The following MRPS31 variants were observed in gnomAD, a reference collection of about 807,000 sequenced individuals.
MRPS31 encodes the protein small ribosomal subunit protein mS31.
In MRPS31, 32 loss-of-function variants were observed where a neutral mutation model predicts 43.1. The ratio of observed to expected loss-of-function variants is 0.74; its 90% CI spans 0.56 to 1.00. The LOEUF (loss-of-function observed/expected upper bound fraction) is 1.00, where lower values mean the gene tolerates loss of function less well. Ranked by LOEUF, MRPS31 falls within the 50% of genes least tolerant of loss-of-function variation. The pLI is 0.00. For synonymous variants in MRPS31, 165 were observed against 161.6 expected (o/e 1.02, Z -0.16); for missense variants, 437 against 466.7 (o/e 0.94, Z 0.59).
At chr13:40,741,308 AAAG>A (rs1339039063) in intron 6 of MRPS31, among the ~76,000 whole-genome samples, 1 of 152,170 alleles carries the variant, frequency 6.6e-6, no homozygotes, top group Admixed American at 6.6e-5. Context: ...AATTATTTTA[AAAG>A]AAGGCAAAGA....
In MRPS31 at chr13:40,745,554, G is replaced by T. The variant is rs1234399467; in HGVS notation, c.958+3584C>A. ...GGTGTGAGCCACCACGCCCAGCCAA[G>T]AATTTTTAATATGTATTTTGTATAC... On this transcript the variant is annotated intron_variant, in intron 6 of 6. Transcript: ENST00000323563. 5.3e-5 allele frequency among the ~76,000 whole-genome samples: 8 copies of T among 152,054 alleles called. No homozygotes were observed. In the East Asian group the frequency reaches 1.3e-3, roughly 26 times the overall value.
chr13:40,751,095 T>G (rs899199256), intron 5 of MRPS31, among the ~76,000 whole-genome samples: 1 of 152,160 alleles, frequency 6.6e-6, no homozygotes, highest in Non-Finnish European at 1.5e-5. Flanking sequence ...TGAGCCTTTA[T>G]GTGCAGAAAT....
At chr13:40,739,771 C>T (rs1593443438) in intron 6 of MRPS31, among the ~76,000 whole-genome samples, 1 of 151,016 alleles carries the variant, frequency 6.6e-6, no homozygotes, top group African/African-American at 2.4e-5. Flanking sequence ...TTCCTTACAC[C>T]TTATACAAAA....
intron 2 of MRPS31, 89 bp from the exon 3 acceptor site, chr13:40,759,195 T>C: frequency 9.5e-7 from 1 of 1,051,696 alleles, no homozygotes; most frequent in Non-Finnish European, 1.3e-6. Context: ...TCCAGCACTT[T>C]GGGAAGCCGA....
intron 2 of MRPS31, among the ~76,000 whole-genome samples, chr13:40,759,379 A>C (rs946530010): frequency 1.3e-5 from 2 of 152,148 alleles, no homozygotes; most frequent in African/African-American, 4.8e-5. Flanking sequence ...TGGAGGCTGC[A>C]GTGAACCAAG....
At chr13:40,743,300 A>T (rs1880152601) in intron 6 of MRPS31, among the ~76,000 whole-genome samples, 1 of 151,276 alleles carries the variant, frequency 6.6e-6, no homozygotes, top group African/African-American at 2.4e-5. Context: ...GGGCAACAAG[A>T]GCGAAAACTC....
chr13:40,741,795 A>G (rs1257364295), intron 6 of MRPS31, among the ~76,000 whole-genome samples: 1 of 152,142 alleles, frequency 6.6e-6, no homozygotes, highest in Non-Finnish European at 1.5e-5. Flanking sequence ...CTGCATTCAT[A>G]ACAATGGGAC....
chr13:40,752,699 T>C (rs1880424765), intron 5 of MRPS31, among the ~76,000 whole-genome samples: 1 of 152,028 alleles, frequency 6.6e-6, no homozygotes, highest in South Asian at 2.1e-4. Flanking sequence ...AATGAGCCTT[T>C]GGAGGCCCGC....
At chr13:40,764,661 T>C (rs538948333) in intron 2 of MRPS31, among the ~76,000 whole-genome samples, 15 of 152,300 alleles carry the variant, frequency 9.8e-5, no homozygotes, top group Admixed American at 3.3e-4. Context: ...CATGCAGGGA[T>C]AAAGCCCAGC....
intron 2 of MRPS31, among the ~76,000 whole-genome samples, chr13:40,765,911 T>C (rs375779203): frequency 1.3e-5 from 2 of 152,196 alleles, no homozygotes; most frequent in African/African-American, 4.8e-5. Flanking sequence ...TAATACTCTT[T>C]TGACAAACAC....
intron 6 of MRPS31, among the ~76,000 whole-genome samples, chr13:40,731,999 G>A (rs1879714351): frequency 6.6e-6 from 1 of 152,142 alleles, no homozygotes; most frequent in African/African-American, 2.4e-5. Flanking sequence ...GCAATAAAGA[G>A]GGTATACTAT....
In MRPS31 at chr13:40,758,987, T is replaced by C; in HGVS notation, c.560A>G (p.Glu187Gly). ...CTTTGCATCTCTCTGTGCCCTTGACTCTTCCTCATGCTGCTGGAGCTGGCT... is the reference window on the plus strand; with the variant it reads ...CTTTGCATCTCTCTGTGCCCTTGACCCTTCCTCATGCTGCTGGAGCTGGCT... ...LLSQLQQHEE[E>G]SRAQRDAKRP... The change falls in exon 3 of 7, where the codon GAG becomes GGG. Residue 187 changes from glutamate to glycine, a missense_variant. Physicochemically the swap from Glu to Gly is moderately conservative, Grantham distance 98. Transcript: ENST00000323563. 6.2e-7 allele frequency: 1 copy of C among 1,608,098 alleles called. No individual in the cohort carries two copies.
chr13:40,736,771 C>A (rs1242051025), intron 6 of MRPS31, among the ~76,000 whole-genome samples: 1 of 147,602 alleles, frequency 6.8e-6, no homozygotes, highest in Non-Finnish European at 1.5e-5. Context: ...TAAAAGAGCT[C>A]CTGAAGGAAG....
intron 4 of MRPS31, 115 bp from the exon 5 acceptor site, chr13:40,754,207 A>T: frequency 1.7e-6 from 1 of 578,084 alleles, no homozygotes; most frequent in Non-Finnish European, 2.9e-6. Context: ...AATTCCACTG[A>T]CCCACATCAA....
At chr13:40,742,019 G>A (rs183250752) in intron 6 of MRPS31, among the ~76,000 whole-genome samples, 429 of 152,086 alleles carry the variant, frequency 2.8e-3, no homozygotes, top group African/African-American at 9.9e-3. Context: ...AATGTCGAGT[G>A]AGAGGACATA....
intron 6 of MRPS31, among the ~76,000 whole-genome samples, chr13:40,736,431 C>T (rs1446935606): frequency 2.0e-4 from 29 of 147,552 alleles, no homozygotes; most frequent in Non-Finnish European, 4.0e-4. Flanking sequence ...ATACAGAGAA[C>T]GCCACAAAGA....
At chr13:40,729,793 A>G (rs1255499226) in intron 6 of MRPS31, among the ~76,000 whole-genome samples, 192 bp from the exon 7 acceptor site, 1 of 149,240 alleles carries the variant, frequency 6.7e-6, no homozygotes, top group East Asian at 2.0e-4. Context: ...GAGTGGCACG[A>G]TCTCAGCTCA....
At chr13:40,745,732 T>C (rs969777291) in intron 6 of MRPS31, among the ~76,000 whole-genome samples, 2 of 152,200 alleles carry the variant, frequency 1.3e-5, no homozygotes, top group East Asian at 1.9e-4. Flanking sequence ...CATGTTTTTA[T>C]GTTGTATTAA....
intron 5 of MRPS31, among the ~76,000 whole-genome samples, chr13:40,749,802 T>C (rs1880336747): frequency 6.6e-6 from 1 of 152,200 alleles, no homozygotes; most frequent in African/African-American, 2.4e-5. Flanking sequence ...AGTAACGTAT[T>C]ATCATGTTGG....
Sources: gnomAD v4.1 joint callset for allele counts (sites outside exome capture counted in the v4.1 genomes callset) on GRCh38, gnomAD v4.1.1 for gene constraint, MANE v1.5 for transcripts, NCBI Gene and HGNC (gene_info 2026-07-23, HGNC 2026-07-21) for gene names.